Variants in UCK1 observed in about 807,000 individuals in gnomAD.
The protein encoded by UCK1 is uridine-cytidine kinase 1.
UCK1 carries 20 observed loss-of-function variants against 34.0 expected under a neutral mutation model. The observed-to-expected ratio is 0.59, with a 90% CI of 0.41 to 0.86. The LOEUF is 0.86. Ranked by LOEUF, UCK1 falls within the 40% of genes least tolerant of loss-of-function variation. The pLI is 0.00. For synonymous variants in UCK1, 168 were observed against 155.9 expected (o/e 1.08, Z -0.58); for missense variants, 343 against 383.6 (o/e 0.89, Z 0.88).
Position 131,524,906 on chromosome 9 carries a change from G to C in UCK1, c.*134C>G, listed in dbSNP as rs376780481. ...GACACATCTGAGTTTCCACTCCTGA[G>C]TGAGGAAGGCCTCGCTGCTAACACT... On this transcript the variant is annotated 3_prime_UTR_variant, in exon 7 of 7. Coordinates refer to ENST00000372215, the MANE Select transcript of UCK1 (RefSeq NM_031432.5). 2 of 1,077,900 alleles carry C rather than the reference G, an allele frequency of 1.9e-6. No homozygotes were observed. The highest frequency in any genetic ancestry group is 3.2e-5 in the African/African-American group (2 of 63,010). The allele number at this position is 1,077,900 out of a possible 1,614,324, so 66.8% of individuals were successfully genotyped here.
At position 131,530,965 on chromosome 9, in the gene UCK1, C is replaced by A. The variant is rs906442733; in HGVS notation, c.108+102G>T. On this transcript the variant is annotated intron_variant, in intron 1 of 6. Coordinates refer to ENST00000372215, the MANE Select transcript of UCK1 (RefSeq NM_031432.5). ...CCTTCGCTCCCGCGCCCTGCCCCTG[C>A]CTGGCAGGGGGCCCCTCGGCCGGGG... is the stretch of plus-strand genomic sequence containing the variant. 9.5e-5 allele frequency: 108 copies of A among 1,131,422 alleles called. 1 individual carries two copies. In the East Asian group the frequency reaches 2.9e-3, roughly 30 times the overall value. The allele number at this position is 1,131,422 out of a possible 1,614,324, so 70.1% of individuals were successfully genotyped here.
intron 5 of UCK1, among the ~76,000 whole-genome samples, chr9:131,528,578 C>G (rs533736940): frequency 2.6e-5 from 4 of 152,196 alleles, no homozygotes; most frequent in Admixed American, 6.5e-5. Context: ...GGGGAATAAG[C>G]ACCCAGGACG....
chr9:131,526,646 AG>A, intron 5 of UCK1: 1 of 628,304 alleles, frequency 1.6e-6, no homozygotes, highest in Non-Finnish European at 2.6e-6. Flanking sequence ...GACAAAGCTG[AG>A]GGAAGAGGGA....
chr9:131,530,523 G>C lies in UCK1; in HGVS notation c.231C>G (p.Ala77=), dbSNP rs1465574525. The change falls in exon 2 of 7, where the codon GCC becomes GCG. Residue 77 remains alanine (A), a synonymous_variant. Coordinates refer to ENST00000372215, the MANE Select transcript of UCK1 (RefSeq NM_031432.5). ...AATTGTACTGTCCTTTCAAGGCCTT[G>C]GCCTTCTGCTCTGCCGTCAGGACCT... ...FYKVLTAEQK[A]KALKGQYNFD... The C allele has an allele frequency of 1.9e-6, 3 of 1,614,246 alleles. No homozygotes were observed. In the South Asian group the frequency reaches 3.3e-5, roughly 18 times the overall value.
Position 131,524,648 on chromosome 9 carries a change from A to T in UCK1, c.*392T>A, listed in dbSNP as rs957373713. 5.4e-6 allele frequency: 1 copy of T among 184,158 alleles called. No individual in the cohort carries two copies. Among genetic ancestry groups the T allele is most frequent in the Non-Finnish European group, 1.1e-5 (1 of 90,414 alleles). The allele number at this position is 184,158 out of a possible 1,614,324, so 11.4% of individuals were successfully genotyped here. On this transcript the variant is annotated 3_prime_UTR_variant, in exon 7 of 7. Coordinates refer to ENST00000372215, the MANE Select transcript of UCK1 (RefSeq NM_031432.5). ...TAAGAACCAGATCAGACTGGAAAAA[A>T]CTCTCTCCCACTGTGGGTTCACTGT... is the stretch of plus-strand genomic sequence containing the variant.
At chr9:131,527,673 T>C (rs1950660109) in intron 5 of UCK1, among the ~76,000 whole-genome samples, 1 of 151,570 alleles carries the variant, frequency 6.6e-6, no homozygotes, top group Non-Finnish European at 1.5e-5. Flanking sequence ...TCCCAGGAGA[T>C]GGAGACCAGC....
In UCK1 at chr9:131,530,421, G is replaced by A. The variant is rs562144788; in HGVS notation, c.268+65C>T. The A allele has an allele frequency of 3.8e-6, 6 of 1,591,544 alleles. No homozygotes were observed. In the East Asian group the frequency reaches 9.0e-5, roughly 24 times the overall value. ...CATCCATCCAACCTTGGGCCCAAGC[G>A]CAGCTGGTTAGCGGCCGCCCAGAAT... On this transcript the variant is annotated intron_variant, in intron 2 of 6. Coordinates refer to ENST00000372215, the MANE Select transcript of UCK1 (RefSeq NM_031432.5).
At position 131,530,388 on chromosome 9, in the gene UCK1, CG is replaced by C. The variant is rs1950786100; in HGVS notation, c.268+97del. ...TGGCGAGTTGGGGGAACAGCCCAAG[CG>C]GGTCTGCATCCATCCAACCTTGGGC... On this transcript the variant is annotated intron_variant, in intron 2 of 6. Coordinates refer to ENST00000372215, the MANE Select transcript of UCK1 (RefSeq NM_031432.5). The C allele has an allele frequency of 1.2e-5, 17 of 1,427,198 alleles. No individual in the cohort carries two copies. The South Asian group carries it at 2.0e-4, about 16-fold the overall frequency. The allele number at this position is 1,427,198 out of a possible 1,614,324, so 88.4% of individuals were successfully genotyped here. A position where few individuals can be genotyped will look rare whatever the true frequency, so the allele number is the denominator to read the frequency against.
chr9:131,530,952 C>T, intron 1 of UCK1, 115 bp downstream of exon 1: 1 of 1,051,510 alleles, frequency 9.5e-7, no homozygotes, highest in Non-Finnish European at 1.3e-6. Context: ...TTCGCTCCCG[C>T]GCCCTGCCCC....
At chr9:131,529,610 A>G (rs778132780) in intron 2 of UCK1, 26 bp from the exon 3 acceptor site, 42 of 1,608,806 alleles carry the variant, frequency 2.6e-5, no homozygotes, top group Non-Finnish European at 3.5e-5. Flanking sequence ...CAAAGGCAAG[A>G]CAGGCAGATG....
intron 1 of UCK1, 73 bp downstream of exon 1, chr9:131,530,994 G>A: frequency 7.9e-7 from 1 of 1,268,244 alleles, no homozygotes; most frequent in Non-Finnish European, 1.0e-6. Context: ...GCCGGGGCTG[G>A]GGTCTCCTCT....
At position 131,531,126 on chromosome 9, in the gene UCK1, C is replaced by T. The variant is rs1362065223; in HGVS notation, c.49G>A (p.Asp17Asn). 2 of 1,450,656 alleles carry T rather than the reference C, an allele frequency of 1.4e-6. No individual in the cohort carries two copies. Among genetic ancestry groups the T allele is most frequent in the East Asian group, 3.1e-5 (1 of 32,748 alleles). 89.9% of individuals were successfully genotyped at this position (1,450,656 alleles called of 1,614,324 possible). The stretch of plus-strand genomic sequence containing the variant: ...AGGAAGGGCCGCTGGTGCGGACGGT[C>T]GGCCTCCGGCGCGGGGCTCTCGCAG... The part of the protein sequence containing the change: ...EDCESPAPEA[D>N]RPHQRPFLIG... The change falls in exon 1 of 7, where the codon GAC becomes AAC. Residue 17 changes from aspartate (D) to asparagine (N), a missense_variant. Transcript: ENST00000372215.
At chr9:131,525,706 C>T (rs1483833582) in intron 6 of UCK1, among the ~76,000 whole-genome samples, 1 of 152,166 alleles carries the variant, frequency 6.6e-6, no homozygotes. Context: ...CTCCTGGGCT[C>T]CAGTGATCCC....
Position 131,530,568 on chromosome 9 carries a change from C to A in UCK1, c.186G>T (p.Leu62=), listed in dbSNP as rs750723254. 10 of 1,614,118 alleles carry A rather than the reference C, an allele frequency of 6.2e-6. No homozygotes were observed. Among genetic ancestry groups the A allele is most frequent in the African/African-American group, 5.3e-5 (4 of 74,938 alleles). ...VEQRQRKVVI[L]SQDRFYKVLT... ...GGACCTTGTAGAACCTGTCCTGGCT[C>A]AGGATGACCACCTTCCGCTGCCGCT... Residue 62 remains leucine (L), a synonymous_variant, in exon 2 of 7, where the codon CTG becomes CTT. Coordinates refer to ENST00000372215, the MANE Select transcript of UCK1 (RefSeq NM_031432.5).
rs767003399 is a variant in UCK1 at position 131,525,186 on chromosome 9, T to C, written c.688A>G (p.Ile230Val). ...INLIVQHIQD[I>V]LNGDICKWHR... ...CATTTGCAGATGTCACCATTCAGAA[T>C]GTCCTGGATGTGCTGCACGATCAGG... Residue 230 changes from isoleucine (I) to valine (V), a missense_variant, in exon 7 of 7, where the codon ATT becomes GTT. Physicochemically the swap from Ile to Val is conservative, Grantham distance 29. Transcript: ENST00000372215. 4.3e-6 allele frequency: 7 copies of C among 1,614,092 alleles called. No individual in the cohort carries two copies. The highest frequency in any genetic ancestry group is 5.9e-6 in the Non-Finnish European group (7 of 1,180,034).
rs1261519459 is a variant in UCK1, at chr9:131,525,065, A to G, written c.809T>C (p.Leu270Ser). The change falls in exon 7 of 7, where the codon TTG becomes TCG. Residue 270 changes from leucine (L) to serine (S), a missense_variant. Leu to Ser is a moderately radical substitution (Grantham distance 145). Coordinates refer to ENST00000372215, the MANE Select transcript of UCK1 (RefSeq NM_031432.5). Reference sequence around the variant, plus strand: ...TCAGTGGGGTCTGCTGCTGGACTCCAAATGTGACCGTTTGCCAGAGGTCAG... The same window carrying G: ...TCAGTGGGGTCTGCTGCTGGACTCCGAATGTGACCGTTTGCCAGAGGTCAG... ...GMLTSGKRSH[L>S]ESSSRPH 1.2e-6 allele frequency: 2 copies of G among 1,613,072 alleles called. No individual in the cohort carries two copies. The highest frequency in any genetic ancestry group is 1.3e-5 in the African/African-American group (1 of 74,998).
intron 5 of UCK1, among the ~76,000 whole-genome samples, chr9:131,527,271 T>A (rs1279824501): frequency 1.3e-5 from 2 of 151,692 alleles, no homozygotes; most frequent in African/African-American, 4.8e-5. Flanking sequence ...GAGGCTGCAG[T>A]GAAGCAAGAT....
chr9:131,525,327 G>A (rs1051796341), intron 6 of UCK1, 106 bp from the exon 7 acceptor site: 8 of 1,423,548 alleles, frequency 5.6e-6, no homozygotes, highest in Middle Eastern at 2.5e-4. Flanking sequence ...CCTCTGCCCT[G>A]AGGCACAGCC....
chr9:131,525,333 C>T (rs753089131), intron 6 of UCK1, 112 bp from the exon 7 acceptor site: 44 of 1,337,896 alleles, frequency 3.3e-5, no homozygotes, highest in Non-Finnish European at 4.2e-5. Flanking sequence ...CCCTGAGGCA[C>T]AGCCTGCGGC....
Sources: gnomAD v4.1 joint callset for allele counts (sites outside exome capture counted in the v4.1 genomes callset) on GRCh38, gnomAD v4.1.1 for gene constraint, MANE v1.5 for transcripts, NCBI Gene and HGNC (gene_info 2026-07-23, HGNC 2026-07-21) for gene names.